The following SEC14L5 variants were observed in gnomAD, a reference collection of about 807,000 sequenced individuals.
The protein encoded by SEC14L5 is SEC14 like lipid binding 5, also known as SEC14-like protein 5.
A neutral mutation model predicts 84.6 loss-of-function variants in SEC14L5; 96 were observed. The ratio of observed to expected loss-of-function variants is 1.13; its 90% CI spans 0.96 to 1.34. SEC14L5 has a LOEUF of 1.34. Ranked by LOEUF, SEC14L5 falls within the 40% of genes most tolerant of loss-of-function variation. The probability of loss-of-function intolerance (pLI) is 0.00; values close to 1 mark genes in which losing one functional copy is unlikely to be tolerated. For missense variants in SEC14L5, 1,224 were observed against 942.5 expected (o/e 1.30, Z -3.91); for synonymous variants, 546 against 383.4 (o/e 1.42, Z -4.95).
At chr16:4,964,766 T>A (rs146772894) in intron 2 of SEC14L5, among the ~76,000 whole-genome samples, 502 of 152,098 alleles carry the variant, frequency 3.3e-3, no homozygotes, top group South Asian at 7.9e-3. Flanking sequence ...GGGGTCTCAC[T>A]GTCACCCAAG....
intron 14 of SEC14L5, 130 bp from the exon 15 acceptor site, chr16:5,010,964 AC>A: frequency 3.7e-6 from 3 of 811,562 alleles, no homozygotes; most frequent in South Asian, 3.6e-5. Flanking sequence ...TTGCTGGTGG[AC>A]TGGAGAAAGG....
Position 5,011,230 on chromosome 16 carries a change from A to G in SEC14L5, c.1936A>G (p.Lys646Glu), listed in dbSNP as rs1319057523. Residue 646 changes from lysine (K) to glutamate (E), a missense_variant, in exon 15 of 16, where the codon AAA (lysine) becomes GAA (glutamate). Lys to Glu is a moderately conservative substitution (Grantham distance 56). Coordinates refer to ENST00000251170, the MANE Select transcript of SEC14L5 (RefSeq NM_014692.2). ...TCTGCACAGCCCCGGGCCCAAGTGC[A>G]AACTTCTCTACTACTGTGAGGTGCT... is the stretch of plus-strand genomic sequence containing the variant. ...TALHSPGPKC[K>E]LLYYCEVLAS... is the part of the protein sequence containing the mutation. 2.5e-6 allele frequency: 4 copies of G among 1,613,858 alleles called. No homozygotes were observed. In the Admixed American group the frequency reaches 6.7e-5, roughly 27 times the overall value.
At chr16:4,996,774 G>C in intron 7 of SEC14L5, 81 bp from the exon 8 acceptor site, 4 of 1,111,428 alleles carry the variant, frequency 3.6e-6, no homozygotes, top group Non-Finnish European at 5.2e-6. Context: ...GTCTCACCAT[G>C]TTGCCCCGGC....
In SEC14L5 at chr16:5,007,494, G is replaced by T; in HGVS notation, c.1572+8G>T. 6.2e-7 allele frequency: 1 copy of T among 1,612,452 alleles called. No individual in the cohort carries two copies. The highest frequency in any genetic ancestry group is 8.5e-7 in the Non-Finnish European group (1 of 1,179,518). On this transcript the variant is annotated splice_region_variant and intron_variant, in intron 13 of 15. Coordinates refer to ENST00000251170, the MANE Select transcript of SEC14L5 (RefSeq NM_014692.2). ...CGCGGAGCCCCCCACGAGGTGCCAG[G>T]GCCTGGCCGGGGAGGGCCCGCTGAG...
intron 11 of SEC14L5, among the ~76,000 whole-genome samples, chr16:5,004,286 G>C (rs1250257639): frequency 6.6e-6 from 1 of 152,154 alleles, no homozygotes; most frequent in Non-Finnish European, 1.5e-5. Flanking sequence ...CTGTTCAGGT[G>C]AGGCTAGGGG....
At chr16:4,988,356 T>A in intron 4 of SEC14L5, 76 bp downstream of exon 4, 13 of 1,538,916 alleles carry the variant, frequency 8.4e-6, no homozygotes, top group Non-Finnish European at 1.1e-5. Flanking sequence ...CAGAGCTGTG[T>A]CCCCACATTC....
At chr16:4,968,490 A>T (rs145839666) in intron 2 of SEC14L5, among the ~76,000 whole-genome samples, 1 of 152,158 alleles carries the variant, frequency 6.6e-6, no homozygotes, top group Non-Finnish European at 1.5e-5. Context: ...CACCTGGCTA[A>T]TTTTAAAAAA....
At chr16:5,002,279 G>A (rs1022815440) in intron 10 of SEC14L5, among the ~76,000 whole-genome samples, 3 of 148,548 alleles carry the variant, frequency 2.0e-5, no homozygotes, top group Admixed American at 6.8e-5. Flanking sequence ...GAAAATTAAA[G>A]TTCCTTTGCT....
At chr16:5,011,344 C>T (rs1413120567) in intron 15 of SEC14L5, 71 bp downstream of exon 15, 10 of 1,468,102 alleles carry the variant, frequency 6.8e-6, no homozygotes, top group African/African-American at 1.4e-5. Flanking sequence ...AGATGCCTGG[C>T]CTCCTGTCTC....
rs1360534637 is a variant in SEC14L5 at position 4,996,347 on chromosome 16, G to A, written c.668-1G>A. The A allele has an allele frequency of 5.8e-6, 9 of 1,544,754 alleles. No individual in the cohort carries two copies. Among genetic ancestry groups the A allele is most frequent in the Non-Finnish European group, 7.9e-6 (9 of 1,140,064 alleles). ...CCTGAAGCTCCCCCTTCTCCTCCAA[G>A]GGGACAAGCTGGATGCGGACTACAT... On this transcript the variant is annotated splice_acceptor_variant, in intron 6 of 15. Transcript: ENST00000251170. LOFTEE classifies it high-confidence loss of function.
chr16:5,003,612 TG>T, intron 11 of SEC14L5, 39 bp downstream of exon 11: 3 of 130,372 alleles, frequency 2.3e-5, no homozygotes, highest in Non-Finnish European at 4.6e-5. Flanking sequence ...TCCCTGGGGG[TG>T]GGTGGGATGG....
chr16:5,006,853 T>C (rs1402758696), intron 12 of SEC14L5, among the ~76,000 whole-genome samples: 1 of 151,776 alleles, frequency 6.6e-6, no homozygotes, highest in East Asian at 1.9e-4. Context: ...GGGGTAATCA[T>C]TGTTTGGTGG....
rs75111584 is a variant in SEC14L5, at chr16:4,966,875, C to G, written c.63+7489C>G. Among the ~76,000 whole-genome samples, 146 of 152,298 alleles carry G rather than the reference C, an allele frequency of 9.6e-4. No individual in the cohort carries two copies. The East Asian group carries it at 0.027, about 28-fold the overall frequency. On this transcript the variant is annotated intron_variant, in intron 2 of 15. Transcript: ENST00000251170. ...TACCATCAGGATGCCTTTACCCCTT[C>G]GGGACCCTGCAAGGGAGAATACAGC... is the stretch of plus-strand genomic sequence containing the variant.
rs141692438 is a variant in SEC14L5 at position 4,959,461 on chromosome 16, C to T, written c.63+75C>T. On this transcript the variant is annotated intron_variant, in intron 2 of 15. Transcript: ENST00000251170. Reference sequence around the variant, plus strand: ...GAGATCAGCTATGGCGGTAGGAAGACGGAGCTCCTTAGACTCCCAGATCAG... The same window carrying T: ...GAGATCAGCTATGGCGGTAGGAAGATGGAGCTCCTTAGACTCCCAGATCAG... The T allele has an allele frequency of 5.4e-4, 687 of 1,277,884 alleles. 3 individuals carry two copies. The African/African-American group carries it at 8.8e-3, about 16-fold the overall frequency. The allele number at this position is 1,277,884 out of a possible 1,614,324, so 79.2% of individuals were successfully genotyped here.
rs556833298 is a variant in SEC14L5, at chr16:4,961,764, C to T, written c.63+2378C>T. ...TAAGCACATGCAGTAGATGGTTTTC[C>T]ATCCTATAGTTAATGTGTCTCAGAT... On this transcript the variant is annotated intron_variant, in intron 2 of 15. Transcript: ENST00000251170. Among the ~76,000 whole-genome samples the T allele has an allele frequency of 1.2e-4, 18 of 152,236 alleles. No homozygotes were observed. In the South Asian group the frequency reaches 3.5e-3, roughly 30 times the overall value.
At chr16:4,999,826 A>G (rs1955655522) in intron 8 of SEC14L5, among the ~76,000 whole-genome samples, 1 of 150,616 alleles carries the variant, frequency 6.6e-6, no homozygotes, top group Non-Finnish European at 1.5e-5. Flanking sequence ...GAGGTGTGAG[A>G]ATCGCTTGAA....
At chr16:5,009,824 T>C (rs997064817) in intron 14 of SEC14L5, among the ~76,000 whole-genome samples, 2 of 151,758 alleles carry the variant, frequency 1.3e-5, no homozygotes, top group Non-Finnish European at 2.9e-5. Context: ...AGACCTTGAG[T>C]TGTGGCTGGA....
Position 4,988,761 on chromosome 16 carries a change from T to G in SEC14L5, c.345+481T>G, listed in dbSNP as rs113877368. Among the ~76,000 whole-genome samples the G allele has an allele frequency of 3.2e-3, 486 of 152,364 alleles. 2 individuals are homozygous for G. Among genetic ancestry groups the G allele is most frequent in the Non-Finnish European group, 5.3e-3 (361 of 68,038 alleles). ...ACGTAAATGTTACCTTTGACTATAA[T>G]TAATAATAATCATAATTATTCTCTA... On this transcript the variant is annotated intron_variant, in intron 4 of 15. Coordinates refer to ENST00000251170, the MANE Select transcript of SEC14L5 (RefSeq NM_014692.2).
chr16:5,012,221 T>C (rs1225232015), intron 15 of SEC14L5, among the ~76,000 whole-genome samples: 1 of 152,012 alleles, frequency 6.6e-6, no homozygotes, highest in Non-Finnish European at 1.5e-5. Flanking sequence ...CGGTCCTCAG[T>C]GTGAGGCGAC....
Sources: gnomAD v4.1 joint callset for allele counts (sites outside exome capture counted in the v4.1 genomes callset) on GRCh38, gnomAD v4.1.1 for gene constraint, MANE v1.5 for transcripts, NCBI Gene and HGNC (gene_info 2026-07-23, HGNC 2026-07-21) for gene names.